Variants in ADCY5 observed in about 807,000 individuals in gnomAD.
ADCY5 encodes the protein adenylate cyclase 5.
ADCY5 carries 30 observed loss-of-function variants against 119.7 expected under a neutral mutation model. The ratio of observed to expected loss-of-function variants is 0.25; its 90% CI spans 0.19 to 0.34. The LOEUF is 0.34. ADCY5 is among the 10% of genes least tolerant of loss of function. ADCY5 has a pLI of 1.00. For synonymous variants in ADCY5, 753 were observed against 762.2 expected, an observed-to-expected ratio of 0.99 and a Z score of 0.20; for missense variants, 1,324 against 1,775.2, an observed-to-expected ratio of 0.75 and a Z score of 4.57.
At chr3:123,381,629 C>A (rs1045522095) in intron 1 of ADCY5, among the ~76,000 whole-genome samples, 1 of 152,200 alleles carries the variant, frequency 6.6e-6, no homozygotes, top group Non-Finnish European at 1.5e-5. Flanking sequence ...ATTCTCAGTA[C>A]TTTTTGTACA....
chr3:123,285,941 T>C (rs1417930341), intron 20 of ADCY5, among the ~76,000 whole-genome samples: 1 of 152,108 alleles, frequency 6.6e-6, no homozygotes, highest in African/African-American at 2.4e-5. Context: ...GTCAGGACAT[T>C]TAAGCAGTAT....
chr3:123,444,194 G>A (rs1052418965), intron 1 of ADCY5, among the ~76,000 whole-genome samples: 4 of 152,144 alleles, frequency 2.6e-5, no homozygotes, highest in African/African-American at 9.7e-5. Context: ...TTATGGTATG[G>A]GTGTAGCAGA....
At chr3:123,415,399 C>T (rs1576681655) in intron 1 of ADCY5, among the ~76,000 whole-genome samples, 1 of 152,294 alleles carries the variant, frequency 6.6e-6, no homozygotes, top group East Asian at 1.9e-4. Context: ...TGCCTGTGGC[C>T]TCGGCCGATC....
intron 1 of ADCY5, among the ~76,000 whole-genome samples, chr3:123,385,326 G>A (rs1300379832): frequency 6.9e-6 from 1 of 144,758 alleles, no homozygotes; most frequent in East Asian, 1.9e-4. Flanking sequence ...CACGACCAGT[G>A]CTGTAGTCTG....
intron 1 of ADCY5, among the ~76,000 whole-genome samples, chr3:123,385,540 T>G (rs1377639425): frequency 6.6e-6 from 1 of 152,118 alleles, no homozygotes. Flanking sequence ...GACAGGGGTG[T>G]GTACAGGGTG....
chr3:123,367,384 T>A (rs1026071678), intron 1 of ADCY5, among the ~76,000 whole-genome samples: 4 of 152,140 alleles, frequency 2.6e-5, no homozygotes, highest in Admixed American at 6.5e-5. Flanking sequence ...CTCCTGCAGT[T>A]CTCTGACCTC....
At chr3:123,340,466 C>T (rs1421562279) in intron 3 of ADCY5, among the ~76,000 whole-genome samples, 4 of 152,160 alleles carry the variant, frequency 2.6e-5, no homozygotes, top group African/African-American at 4.8e-5. Context: ...CGTAATCATA[C>T]ATAACAGCTG....
intron 1 of ADCY5, among the ~76,000 whole-genome samples, chr3:123,415,397 G>T (rs138734763): frequency 0.016 from 2,457 of 152,254 alleles, 228 homozygotes; most frequent in Admixed American, 0.15. Flanking sequence ...TGTGCCTGTG[G>T]CCTCGGCCGA....
In ADCY5 at chr3:123,362,746, C is replaced by T. The variant is rs1435161398; in HGVS notation, c.1135-10165G>A. ...GGCTCCACAACCTCTATCCTCTATC[C>T]TCAAGTTAATTTCATAAACATTCAG... On this transcript the variant is annotated intron_variant, in intron 1 of 20. Coordinates refer to ENST00000462833, the MANE Select transcript of ADCY5 (RefSeq NM_183357.3). Among the ~76,000 whole-genome samples the T allele has an allele frequency of 5.3e-5, 8 of 152,270 alleles. No homozygotes were observed. The East Asian group carries it at 1.3e-3, about 26-fold the overall frequency.
At chr3:123,428,894 G>A (rs892409378) in intron 1 of ADCY5, among the ~76,000 whole-genome samples, 2 of 152,194 alleles carry the variant, frequency 1.3e-5, no homozygotes, top group Non-Finnish European at 2.9e-5. Context: ...GTGAGCTATT[G>A]GAGTAGTAGT....
At position 123,303,138 on chromosome 3, in the gene ADCY5, C is replaced by T. The variant is rs758708718; in HGVS notation, c.2641G>A (p.Val881Met). Residue 881 changes from valine to methionine, a missense_variant, in exon 14 of 21, where the codon GTG (valine) becomes ATG (methionine). Val to Met is a conservative substitution (Grantham distance 21). Coordinates refer to ENST00000462833, the MANE Select transcript of ADCY5 (RefSeq NM_183357.3). ...ISASQVNACH[V>M]AESAVNYSLG... Reference sequence around the variant, plus strand: ...CTGTAGTTGACGGCCGACTCCGCCACGTGACACGCGTTGACCTGGCTCGCG... The same window carrying T: ...CTGTAGTTGACGGCCGACTCCGCCATGTGACACGCGTTGACCTGGCTCGCG... 18 of 1,613,760 alleles carry T rather than the reference C, an allele frequency of 1.1e-5. No individual in the cohort carries two copies. The highest frequency in any genetic ancestry group is 1.6e-4 in the Middle Eastern group (1 of 6,084).
At chr3:123,375,254 A>C (rs565853699) in intron 1 of ADCY5, among the ~76,000 whole-genome samples, 4 of 152,238 alleles carry the variant, frequency 2.6e-5, no homozygotes, top group African/African-American at 4.8e-5. Context: ...AGTATGCATG[A>C]GTGTGTCAAG....
At chr3:123,379,632 G>A (rs2107553831) in intron 1 of ADCY5, among the ~76,000 whole-genome samples, 1 of 152,052 alleles carries the variant, frequency 6.6e-6, no homozygotes, top group Non-Finnish European at 1.5e-5. Flanking sequence ...GGGTGAGGCA[G>A]ATGATGGAGG....
In ADCY5 at chr3:123,333,239, CAA is replaced by C. The variant is rs138556030; in HGVS notation, c.1407-566_1407-565del. On this transcript the variant is annotated intron_variant, in intron 3 of 20. Coordinates refer to ENST00000462833, the MANE Select transcript of ADCY5 (RefSeq NM_183357.3). ...TATGAGAAGGTGGCCGTCAGCAACC[CAA>C]AAGAGGGCCCTTGCCAGACTCTGAT... Among the ~76,000 whole-genome samples, 1,292 of 152,354 alleles carry C rather than the reference CAA, an allele frequency of 8.5e-3. 8 individuals carry two copies. The highest frequency in any genetic ancestry group is 0.013 in the Non-Finnish European group (901 of 68,042).
Position 123,327,694 on chromosome 3 carries a change from C to T in ADCY5, c.1871G>A (p.Cys624Tyr), listed in dbSNP as rs1941561926. The T allele has an allele frequency of 1.2e-6, 2 of 1,614,032 alleles. No homozygotes were observed. Among genetic ancestry groups the T allele is most frequent in the African/African-American group, 2.7e-5 (2 of 74,914 alleles). Reference sequence around the variant, plus strand: ...GAGGTAGGCGTTGCGCTCGCCCCCACAGCCTGGCTCCACCTCGTAGTCCCC... The same window carrying T: ...GAGGTAGGCGTTGCGCTCGCCCCCATAGCCTGGCTCCACCTCGTAGTCCCC... ...LNGDYEVEPG[C>Y]GGERNAYLKE... Residue 624 changes from cysteine (C) to tyrosine (Y), a missense_variant, in exon 7 of 21, where the codon TGT becomes TAT. Physicochemically the swap from Cys to Tyr is radical, Grantham distance 194. Coordinates refer to ENST00000462833, the MANE Select transcript of ADCY5 (RefSeq NM_183357.3).
chr3:123,366,443 C>A (rs1276328915), intron 1 of ADCY5, among the ~76,000 whole-genome samples: 2 of 152,234 alleles, frequency 1.3e-5, no homozygotes, highest in African/African-American at 4.8e-5. Flanking sequence ...TCAGATGGTA[C>A]ACCCAGCACA....
At chr3:123,444,283 C>T (rs183439942) in intron 1 of ADCY5, among the ~76,000 whole-genome samples, 148 of 152,138 alleles carry the variant, frequency 9.7e-4, no homozygotes, top group Non-Finnish European at 1.8e-3. Context: ...AGACAGGAGT[C>T]GACAGTGAGA....
Position 123,322,371 on chromosome 3 carries a change from AG to A in ADCY5, c.2089-1601del, listed in dbSNP as rs1941264689. On this transcript the variant is annotated intron_variant, in intron 8 of 20. Transcript: ENST00000462833. ...CCGATGCTCCTTTGGTCACCTGCTG[AG>A]GCTGGTGCATGGGACCCATTTTTTC... Among the ~76,000 whole-genome samples, 4 of 152,288 alleles carry A rather than the reference AG, an allele frequency of 2.6e-5. No individual in the cohort carries two copies. The South Asian group carries it at 8.3e-4, about 32-fold the overall frequency.
intron 1 of ADCY5, among the ~76,000 whole-genome samples, chr3:123,394,731 A>G (rs1944495714): frequency 6.6e-6 from 1 of 152,120 alleles, no homozygotes; most frequent in Non-Finnish European, 1.5e-5. Context: ...ACCCAGTTGG[A>G]CCTCTCTAGG....
Sources: allele counts gnomAD v4.1 joint callset (sites outside exome capture counted in the v4.1 genomes callset), GRCh38; gene constraint gnomAD v4.1.1; transcripts MANE v1.5; gene names NCBI Gene and HGNC (gene_info 2026-07-23, HGNC 2026-07-21).